The following ZNF91 variants were observed in gnomAD, a reference collection of about 807,000 sequenced individuals.
ZNF91 encodes zinc finger protein 91 (HPF7, HTF10).
A neutral mutation model predicts 12.6 loss-of-function variants in ZNF91; 7 were observed. The ratio of observed to expected loss-of-function variants is 0.55; its 90% CI spans 0.31 to 1.04. ZNF91 has a LOEUF of 1.04. Among genes scored for constraint, ZNF91 ranks in the 50% least tolerant of loss-of-function variants. The pLI is 0.05. For missense variants in ZNF91, 1,217 were observed against 1,385.4 expected, an observed-to-expected ratio of 0.88 and a Z score of 1.93; for synonymous variants, 453 against 462.6, an observed-to-expected ratio of 0.98 and a Z score of 0.27.
chr19:23,332,507 C>A (rs1193201756), intron 1 of ZNF91, among the ~76,000 whole-genome samples: 1 of 152,078 alleles, frequency 6.6e-6, no homozygotes, highest in Non-Finnish European at 1.5e-5. Context: ...GCTTCTGACC[C>A]CTGCCGGACT....
Position 23,360,883 on chromosome 19 carries a change from G to T in ZNF91, c.2096C>A (p.Ser699Ter). 6.2e-7 allele frequency: 1 copy of T among 1,613,846 alleles called. No individual in the cohort carries two copies. Among genetic ancestry groups the T allele is most frequent in the Non-Finnish European group, 8.5e-7 (1 of 1,179,840 alleles). ...KECDKTFKRL[S>*]TLTKHKIIHA... Reference sequence around the variant, plus strand: ...TATTATTTTATGTTTAGTAAGGGTTGAGAGTCGCTTAAAAGTTTTGTCACA... The same window carrying T: ...TATTATTTTATGTTTAGTAAGGGTTTAGAGTCGCTTAAAAGTTTTGTCACA... Residue 699 changes from serine (S) to a stop codon, truncating the protein, a stop_gained, in exon 4 of 4, where the codon TCA (serine) becomes TAA (stop). Transcript: ENST00000300619. LOFTEE classifies it low-confidence loss of function (END_TRUNC).
chr19:23,386,557 A>G (rs1033279770), intron 1 of ZNF91, among the ~76,000 whole-genome samples: 1 of 152,238 alleles, frequency 6.6e-6, no homozygotes, highest in African/African-American at 2.4e-5. Context: ...AAATGTGGAA[A>G]GAATTCCCTA....
At chr19:23,350,525 C>T (rs148868571) in intron 3 of ZNF91, among the ~76,000 whole-genome samples, 70 of 152,260 alleles carry the variant, frequency 4.6e-4, no homozygotes, top group African/African-American at 1.2e-3. Flanking sequence ...TTTTATTTTG[C>T]GAAGGTGCCC....
intron 3 of ZNF91, among the ~76,000 whole-genome samples, chr19:23,350,141 G>T (rs1371405802): frequency 6.6e-6 from 1 of 152,216 alleles, no homozygotes; most frequent in Non-Finnish European, 1.5e-5. Flanking sequence ...AGCAGAAAAA[G>T]GTGGGGTCTG....
intron 1 of ZNF91, among the ~76,000 whole-genome samples, chr19:23,319,345 G>A (rs1368761105): frequency 6.6e-6 from 1 of 152,190 alleles, no homozygotes; most frequent in Non-Finnish European, 1.5e-5. Context: ...GGGGTATTAT[G>A]CCATACCTTT....
chr19:23,327,513 T>C (rs1397169236), intron 1 of ZNF91: 2 of 152,192 alleles, frequency 1.3e-5, no homozygotes, highest in Non-Finnish European at 2.9e-5. Flanking sequence ...CTTAGTATCT[T>C]TATACAAGAT....
At chr19:23,372,351 C>T (rs1323279903) in intron 3 of ZNF91, among the ~76,000 whole-genome samples, 1 of 151,972 alleles carries the variant, frequency 6.6e-6, no homozygotes, top group South Asian at 2.1e-4. Context: ...AGCTACATGG[C>T]ACATTAAAGT....
rs1385041802 is a variant in ZNF91, at chr19:23,358,619, T to A, written c.*784A>T. 1 of 152,696 alleles carries A rather than the reference T, an allele frequency of 6.5e-6. No individual in the cohort carries two copies. The highest frequency in any genetic ancestry group is 2.4e-5 in the African/African-American group (1 of 41,466). The allele number at this position is 152,696 out of a possible 1,614,324, so 9.5% of individuals were successfully genotyped here. A position where few individuals can be genotyped will look rare whatever the true frequency, so the allele number is the denominator to read the frequency against. ...TTAATGGCTTTTTGTCTATATTTGT[T>A]CACTTTTTCTCAAGCATAAATGCTT... On this transcript the variant is annotated 3_prime_UTR_variant, in exon 4 of 4. Coordinates refer to ENST00000300619, the MANE Select transcript of ZNF91 (RefSeq NM_003430.4).
chr19:23,375,235 A>G (rs1378261097), intron 1 of ZNF91, among the ~76,000 whole-genome samples: 1 of 151,416 alleles, frequency 6.6e-6, no homozygotes, highest in Non-Finnish European at 1.5e-5. Flanking sequence ...ATCTCAGCTC[A>G]CTGCAAGCTC....
intron 1 of ZNF91, among the ~76,000 whole-genome samples, chr19:23,391,298 A>C (rs1041538326): frequency 6.6e-6 from 1 of 152,106 alleles, no homozygotes; most frequent in Non-Finnish European, 1.5e-5. Context: ...ATCTAACTGA[A>C]CTTAAGTTTA....
chr19:23,325,486 T>C (rs1206790995), intron 1 of ZNF91: 1 of 152,154 alleles, frequency 6.6e-6, no homozygotes, highest in Admixed American at 6.5e-5. Context: ...TAACTCTATA[T>C]TTTCACTTAC....
chr19:23,362,729 A>G lies in ZNF91; in HGVS notation c.254-4T>C. 8.6e-7 allele frequency: 1 copy of G among 1,168,658 alleles called. No individual in the cohort carries two copies. The highest frequency in any genetic ancestry group is 1.1e-6 in the Non-Finnish European group (1 of 894,012). The allele number at this position is 1,168,658 out of a possible 1,614,324, so 72.4% of individuals were successfully genotyped here. ...TGAGGAAAATGAGGACATATACCTG[A>G]AAAAAAAAAACTAAAAATAATAAAT... On this transcript the variant is annotated splice_region_variant and splice_polypyrimidine_tract_variant and intron_variant, in intron 3 of 3. Coordinates refer to ENST00000300619, the MANE Select transcript of ZNF91 (RefSeq NM_003430.4).
chr19:23,383,359 T>C (rs1042179066), intron 1 of ZNF91, among the ~76,000 whole-genome samples: 2 of 152,140 alleles, frequency 1.3e-5, no homozygotes, highest in African/African-American at 4.8e-5. Flanking sequence ...AAGTTATCTA[T>C]GACAAACCCT....
At position 23,360,291 on chromosome 19, in the gene ZNF91, G is replaced by C; in HGVS notation, c.2688C>G (p.Thr896=). ...ECDKAFIWSS[T]LTEHKRIHTR... ...TATGAATTCTCTTATGTTCAGTAAG[G>C]GTTGAGGACCAGATAAATGCTTTGT... Residue 896 remains threonine (T), a synonymous_variant, in exon 4 of 4, where the codon ACC becomes ACG. Coordinates refer to ENST00000300619, the MANE Select transcript of ZNF91 (RefSeq NM_003430.4). 1 of 1,613,756 alleles carries C rather than the reference G, an allele frequency of 6.2e-7. No homozygotes were observed. The highest frequency in any genetic ancestry group is 8.5e-7 in the Non-Finnish European group (1 of 1,179,850).
downstream of ZNF91, among the ~76,000 whole-genome samples, chr19:23,356,572 T>C (rs1968491362): frequency 6.6e-6 from 1 of 152,076 alleles, no homozygotes; most frequent in Non-Finnish European, 1.5e-5. Context: ...CAATGGACTT[T>C]GGGTACTTGC....
At chr19:23,384,610 C>T (rs1969815400) in intron 1 of ZNF91, 1 of 854,768 alleles carries the variant, frequency 1.2e-6, no homozygotes, top group Non-Finnish European at 1.6e-6. Flanking sequence ...ATTCTGTCTC[C>T]CGATATCATC....
At position 23,361,973 on chromosome 19, in the gene ZNF91, T is replaced by G; in HGVS notation, c.1006A>C (p.Thr336Pro). 1.2e-6 allele frequency: 2 copies of G among 1,612,990 alleles called. No homozygotes were observed. The highest frequency in any genetic ancestry group is 1.7e-6 in the Non-Finnish European group (2 of 1,179,642). ...TGAATTCTCTTATGTTTAGCAAGGG[T>G]TGAAGAACGGCTAAAAGCTTTGCCA... ...ECGKAFSRSS[T>P]LAKHKRIHTG... Residue 336 changes from threonine (T) to proline (P), a missense_variant, in exon 4 of 4, where the codon ACC (threonine) becomes CCC (proline). Physicochemically the swap from Thr to Pro is conservative, Grantham distance 38. Transcript: ENST00000300619.
At chr19:23,335,814 T>C (rs776066622), downstream of ZNF91, among the ~76,000 whole-genome samples, 3 of 152,158 alleles carry the variant, frequency 2.0e-5, no homozygotes, top group Non-Finnish European at 4.4e-5. Flanking sequence ...TCACACTCCA[T>C]GGGCTGCACC....
At chr19:23,374,376 T>C (rs1236643680) in intron 2 of ZNF91, among the ~76,000 whole-genome samples, 1 of 124,374 alleles carries the variant, frequency 8.0e-6, no homozygotes, top group African/African-American at 3.0e-5. Context: ...ACCCCGTCTC[T>C]ACTAAAAATA....
Sources: gnomAD v4.1 joint callset for allele counts (sites outside exome capture counted in the v4.1 genomes callset) on GRCh38, gnomAD v4.1.1 for gene constraint, MANE v1.5 for transcripts, NCBI Gene and HGNC (gene_info 2026-07-23, HGNC 2026-07-21) for gene names.